The following AP3B1 variants were observed in gnomAD, a reference collection of about 807,000 sequenced individuals.
The protein encoded by AP3B1 is adaptor related protein complex 3 subunit beta 1, also known as AP-3 complex subunit beta-1.
In AP3B1, 61 loss-of-function variants were observed where a neutral mutation model predicts 132.5. The observed-to-expected ratio is 0.46, with a 90% CI of 0.37 to 0.57. The LOEUF (loss-of-function observed/expected upper bound fraction) is 0.57. AP3B1 is among the 20% of genes least tolerant of loss of function. The pLI is 0.00. For synonymous variants in AP3B1, 388 were observed against 438.3 expected, an observed-to-expected ratio of 0.89 and a Z score of 1.43; for missense variants, 1,120 against 1,289.4, an observed-to-expected ratio of 0.87 and a Z score of 2.01.
intron 15 of AP3B1, among the ~76,000 whole-genome samples, chr5:78,135,266 TAATTA>T (rs1270117911): frequency 2.0e-5 from 3 of 152,116 alleles, no homozygotes; most frequent in African/African-American, 7.2e-5. Context: ...ACAGAGATAG[TAATTA>T]AATTATATCT....
intron 3 of AP3B1, 92 bp downstream of exon 3, chr5:78,240,766 GATAC>G (rs1747098390): frequency 1.2e-6 from 1 of 814,742 alleles, no homozygotes; most frequent in African/African-American, 1.7e-5. Context: ...AAAATCTAGT[GATAC>G]TTAAGTATCT....
intron 20 of AP3B1, among the ~76,000 whole-genome samples, chr5:78,106,532 A>G (rs1004805423): frequency 2.0e-5 from 3 of 152,166 alleles, no homozygotes; most frequent in Non-Finnish European, 2.9e-5. Flanking sequence ...TGGGCAAGCT[A>G]GCCTGAGTTT....
At chr5:78,087,080 TCAAA>T (rs369536408) in intron 22 of AP3B1, among the ~76,000 whole-genome samples, 68 of 152,304 alleles carry the variant, frequency 4.5e-4, no homozygotes, top group Middle Eastern at 3.4e-3. Flanking sequence ...GTAGTCATGG[TCAAA>T]CAGTTACATA....
intron 2 of AP3B1, among the ~76,000 whole-genome samples, chr5:78,244,146 C>T (rs989961332): frequency 3.9e-5 from 6 of 152,156 alleles, no homozygotes; most frequent in African/African-American, 1.4e-4. Context: ...GTAATCCCGG[C>T]ACTTTGGGAG....
At chr5:78,026,256 C>T (rs532875116) in intron 24 of AP3B1, among the ~76,000 whole-genome samples, 15 of 152,258 alleles carry the variant, frequency 9.9e-5, no homozygotes, top group Admixed American at 3.9e-4. Flanking sequence ...TTTAAATAGC[C>T]GAGCTACATA....
chr5:78,226,418 G>A (rs1746402042), intron 5 of AP3B1, among the ~76,000 whole-genome samples: 1 of 151,964 alleles, frequency 6.6e-6, no homozygotes, highest in African/African-American at 2.4e-5. Context: ...CCTTCTCAAA[G>A]CAGTATTTCA....
chr5:78,186,001 GAACA>G (rs1353330617), intron 7 of AP3B1, among the ~76,000 whole-genome samples: 14 of 152,000 alleles, frequency 9.2e-5, no homozygotes, highest in Non-Finnish European at 1.9e-4. Context: ...AGACTAGAGA[GAACA>G]AACAAAAAAC....
chr5:78,165,741 G>T, intron 11 of AP3B1, 69 bp from the exon 12 acceptor site: 2 of 1,050,286 alleles, frequency 1.9e-6, no homozygotes, highest in Non-Finnish European at 2.9e-6. Flanking sequence ...ATAGAGTACA[G>T]ACATTTAATT....
chr5:78,199,347 G>A (rs940712252), intron 7 of AP3B1, among the ~76,000 whole-genome samples: 3 of 152,038 alleles, frequency 2.0e-5, no homozygotes, highest in African/African-American at 7.2e-5. Context: ...GTTGAACTTA[G>A]GTCTAAGGGT....
chr5:78,146,094 C>T lies in AP3B1; in HGVS notation c.1474-4775G>A, dbSNP rs561171215. 2.6e-5 allele frequency among the ~76,000 whole-genome samples: 4 copies of T among 152,296 alleles called. No individual in the cohort carries two copies. In the South Asian group the frequency reaches 8.3e-4, roughly 32 times the overall value. On this transcript the variant is annotated intron_variant, in intron 14 of 26. Transcript: ENST00000255194. ...TTTAAGGCTCTTATTTTAAGGCTCA[C>T]ATTTTAAAATCACTTGCCTACGTTT...
At chr5:78,260,404 C>T (rs2112551418) in intron 2 of AP3B1, among the ~76,000 whole-genome samples, 1 of 152,084 alleles carries the variant, frequency 6.6e-6, no homozygotes, top group Middle Eastern at 3.4e-3. Flanking sequence ...GAGTTCAAGA[C>T]TAGCATGATG....
At chr5:78,064,264 T>C (rs961768858) in intron 22 of AP3B1, among the ~76,000 whole-genome samples, 1 of 151,810 alleles carries the variant, frequency 6.6e-6, no homozygotes, top group Non-Finnish European at 1.5e-5. Flanking sequence ...TTAAGAAGCA[T>C]TACCTTATAT....
rs568313421 is a variant in AP3B1 at position 78,123,323 on chromosome 5, T to C, written c.1968+4707A>G. On this transcript the variant is annotated intron_variant, in intron 17 of 26. Transcript: ENST00000255194. ...ATGTCTAAAACACCAAAAGCAATGGTAACAAAAGCCAAAATTGACAAATGG... is the reference window on the plus strand; with the variant it reads ...ATGTCTAAAACACCAAAAGCAATGGCAACAAAAGCCAAAATTGACAAATGG... Among the ~76,000 whole-genome samples the C allele has an allele frequency of 3.3e-3, 502 of 152,114 alleles. 3 individuals carry two copies. The highest frequency in any genetic ancestry group is 0.011 in the African/African-American group (469 of 41,490).
At chr5:78,232,888 G>A (rs1746706612) in intron 3 of AP3B1, among the ~76,000 whole-genome samples, 1 of 151,944 alleles carries the variant, frequency 6.6e-6, no homozygotes, top group Non-Finnish European at 1.5e-5. Context: ...TGTATTTTTA[G>A]TAGAGACAGG....
intron 22 of AP3B1, among the ~76,000 whole-genome samples, chr5:78,086,570 C>T (rs1750264005): frequency 6.6e-6 from 1 of 152,106 alleles, no homozygotes; most frequent in Admixed American, 6.5e-5. Flanking sequence ...CTACATAATG[C>T]TTTGACGTTT....
intron 3 of AP3B1, among the ~76,000 whole-genome samples, chr5:78,239,715 G>C (rs1208198641): frequency 6.7e-6 from 1 of 148,662 alleles, no homozygotes; most frequent in African/African-American, 2.5e-5. Context: ...GGAGGTCGAG[G>C]CTGTAGTGAG....
Position 78,144,103 on chromosome 5 carries a change from C to A in AP3B1, c.1474-2784G>T, listed in dbSNP as rs576069108. ...CTGAAATAAAACCAAACTAATAATA[C>A]ACACACAGACACAGACACAGGTACA... On this transcript the variant is annotated intron_variant, in intron 14 of 26. Transcript: ENST00000255194. Among the ~76,000 whole-genome samples, 14 of 152,172 alleles carry A rather than the reference C, an allele frequency of 9.2e-5. No individual in the cohort carries two copies. In the East Asian group the frequency reaches 2.1e-3, roughly 23 times the overall value.
intron 13 of AP3B1, among the ~76,000 whole-genome samples, chr5:78,161,154 C>A (rs192301730): frequency 6.6e-5 from 10 of 151,750 alleles, no homozygotes; most frequent in Admixed American, 5.9e-4. Context: ...TCTAGTCTTC[C>A]CTTAAAAGTG....
At chr5:78,195,181 T>C (rs1745030085) in intron 7 of AP3B1, among the ~76,000 whole-genome samples, 1 of 152,178 alleles carries the variant, frequency 6.6e-6, no homozygotes, top group Non-Finnish European at 1.5e-5. Context: ...TGAAATTATA[T>C]GATATCTAAA....
Sources: gnomAD v4.1 joint callset for allele counts (sites outside exome capture counted in the v4.1 genomes callset) on GRCh38, gnomAD v4.1.1 for gene constraint, MANE v1.5 for transcripts, NCBI Gene and HGNC (gene_info 2026-07-23, HGNC 2026-07-21) for gene names.